The following BBS5 variants were observed in gnomAD, a reference collection of about 807,000 sequenced individuals.
BBS5 encodes BBSome complex member BBS5.
BBS5 carries 39 observed loss-of-function variants against 50.2 expected under a neutral mutation model. The observed-to-expected ratio is 0.78, with a 90% CI of 0.60 to 1.01. The LOEUF (loss-of-function observed/expected upper bound fraction) is 1.01, where lower values mean the gene tolerates loss of function less well. Ranked by LOEUF, BBS5 falls within the 50% of genes least tolerant of loss-of-function variation. The probability of loss-of-function intolerance (pLI) is 0.00; values close to 1 mark genes in which losing one functional copy is unlikely to be tolerated. For synonymous variants in BBS5, 134 were observed against 133.1 expected (o/e 1.01, Z -0.05); for missense variants, 356 against 401.5 (o/e 0.89, Z 0.97).
chr2:169,492,775 G>C, intron 5 of BBS5, 99 bp from the exon 6 acceptor site: 4 of 1,034,410 alleles, frequency 3.9e-6, no homozygotes, highest in Non-Finnish European at 5.7e-6. Context: ...TTTGAGTAAT[G>C]TTCATAAATA....
At chr2:169,492,561 A>G (rs1683618408) in intron 5 of BBS5, among the ~76,000 whole-genome samples, 1 of 151,918 alleles carries the variant, frequency 6.6e-6, no homozygotes, top group Non-Finnish European at 1.5e-5. Flanking sequence ...TCTACAAAAA[A>G]CTGTAATTGC....
intron 5 of BBS5, among the ~76,000 whole-genome samples, chr2:169,488,438 C>T (rs1193968108): frequency 3.3e-5 from 5 of 152,236 alleles, no homozygotes; most frequent in Non-Finnish European, 7.3e-5. Context: ...AGGGCACAGT[C>T]TAGATCCCTT....
In BBS5 at chr2:169,504,769, A is replaced by G. The variant is rs1176043922; in HGVS notation, c.*187A>G. ...CAGTTTTCGGCCAGCGCGTCGAGGGAGGGGCCAGCGACACATGGCCTAGTA... is the reference window on the plus strand; with the variant it reads ...CAGTTTTCGGCCAGCGCGTCGAGGGGGGGGCCAGCGACACATGGCCTAGTA... On this transcript the variant is annotated 3_prime_UTR_variant, in exon 12 of 12. Coordinates refer to ENST00000295240, the MANE Select transcript of BBS5 (RefSeq NM_152384.3). 1.1e-5 allele frequency: 15 copies of G among 1,386,392 alleles called. No individual in the cohort carries two copies. The highest frequency in any genetic ancestry group is 1.3e-5 in the Non-Finnish European group (13 of 1,009,084). 85.9% of individuals were successfully genotyped at this position (1,386,392 alleles called of 1,614,324 possible).
At chr2:169,482,464 T>A in intron 2 of BBS5, 131 bp downstream of exon 2, 1 of 743,488 alleles carries the variant, frequency 1.3e-6, no homozygotes, top group Non-Finnish European at 2.4e-6. Flanking sequence ...TAAATTCACA[T>A]AAGACTTTTC....
Position 169,503,104 on chromosome 2 carries a change from C to T in BBS5, c.826C>T (p.Leu276Phe), listed in dbSNP as rs770319545. 2.5e-6 allele frequency: 4 copies of T among 1,613,402 alleles called. No individual in the cohort carries two copies. Among genetic ancestry groups the T allele is most frequent in the Middle Eastern group, 1.6e-4 (1 of 6,084 alleles). Residue 276 changes from leucine (L) to phenylalanine (F), a missense_variant, in exon 10 of 12, where the codon CTC becomes TTC. By Grantham distance (22) the Leu-to-Phe change is conservative (BLOSUM62 0). Coordinates refer to ENST00000295240, the MANE Select transcript of BBS5 (RefSeq NM_152384.3). ...DYEMEEKPQP[L>F]EALTVEQIQD... ...ATCTGCTGATTTTCAGCCCCAGCCG[C>T]TCGAAGCTCTGACAGTCGAACAAAT...
chr2:169,487,993 C>T lies in BBS5; in HGVS notation c.265C>T (p.Arg89Ter), dbSNP rs772757329. The change falls in exon 5 of 12, where the codon CGA becomes TGA. Residue 89 changes from arginine (R) to a stop codon, truncating the protein, a stop_gained. Transcript: ENST00000295240. LOFTEE classifies it high-confidence loss of function. Reference sequence around the variant, plus strand: ...AATAAATTTGTCCTTACAGAAATTACGAGGCCAAACTGAAGCTCTCTATAT... The same window carrying T: ...AATAAATTTGTCCTTACAGAAATTATGAGGCCAAACTGAAGCTCTCTATAT... ...ITTRTANSKLRGQTEALYILT... is the reference protein window; with the variant it reads ...ITTRTANSKL 16 of 1,613,378 alleles carry T rather than the reference C, an allele frequency of 9.9e-6. No homozygotes were observed. The highest frequency in any genetic ancestry group is 2.2e-5 in the East Asian group (1 of 44,818).
At chr2:169,489,163 T>A (rs1391348991) in intron 5 of BBS5, among the ~76,000 whole-genome samples, 3 of 152,194 alleles carry the variant, frequency 2.0e-5, no homozygotes, top group African/African-American at 7.2e-5. Flanking sequence ...TGCTAATTTT[T>A]AAAATGTTTT....
Position 169,504,873 on chromosome 2 carries a change from G to C in BBS5, c.*291G>C. The C allele has an allele frequency of 1.2e-6, 2 of 1,613,216 alleles. No homozygotes were observed. The highest frequency in any genetic ancestry group is 1.7e-6 in the Non-Finnish European group (2 of 1,179,706). The stretch of plus-strand genomic sequence containing the variant: ...CAGGCCCGGGCGCTCCTACAGCAGT[G>C]CCTGCACGCCCGGCTGCAAATTCGC... On this transcript the variant is annotated 3_prime_UTR_variant, in exon 12 of 12. Coordinates refer to ENST00000295240, the MANE Select transcript of BBS5 (RefSeq NM_152384.3).
Position 169,493,010 on chromosome 2 carries a change from G to C in BBS5, c.522+1G>C. The C allele has an allele frequency of 1.2e-6, 2 of 1,613,386 alleles. No homozygotes were observed. Among genetic ancestry groups the C allele is most frequent in the Non-Finnish European group, 1.7e-6 (2 of 1,179,712 alleles). ...AGTTTGGAATTTATCCAGTGATCAG[G>C]TATTGTGCAAAGAGCTAGTGAACCT... On this transcript the variant is annotated splice_donor_variant, in intron 6 of 11. Coordinates refer to ENST00000295240, the MANE Select transcript of BBS5 (RefSeq NM_152384.3). LOFTEE classifies it high-confidence loss of function.
chr2:169,488,678 C>A (rs1175598675), intron 5 of BBS5, among the ~76,000 whole-genome samples: 1 of 152,220 alleles, frequency 6.6e-6, no homozygotes. Context: ...TACTGTCTTC[C>A]TCCAAGCTCT....
chr2:169,479,507 T>C lies in BBS5; in HGVS notation c.-47T>C. 6.2e-7 allele frequency: 1 copy of C among 1,608,304 alleles called. No homozygotes were observed. The highest frequency in any genetic ancestry group is 8.5e-7 in the Non-Finnish European group (1 of 1,175,112). ...TGCCTTGGAGCCAGAGAGACGCAGC[T>C]AGGCCTGCACGGCTGTGGAGAGATC... On this transcript the variant is annotated 5_prime_UTR_variant, in exon 1 of 12. Transcript: ENST00000295240.
Position 169,492,954 on chromosome 2 carries a change from C to T in BBS5, c.467C>T (p.Pro156Leu), listed in dbSNP as rs1683625865. 1 of 1,613,238 alleles carries T rather than the reference C, an allele frequency of 6.2e-7. No homozygotes were observed. The highest frequency in any genetic ancestry group is 8.5e-7 in the Non-Finnish European group (1 of 1,179,502). ...LIQNKQLRLL[P>L]QEHVYDKING... ...CAGAACAAGCAACTAAGACTGTTGC[C>T]ACAAGAACATGTATATGATAAAATA... Residue 156 changes from proline to leucine, a missense_variant, in exon 6 of 12, where the codon CCA becomes CTA. Physicochemically the swap from Pro to Leu is moderately conservative, Grantham distance 98. Transcript: ENST00000295240.
chr2:169,495,061 G>A (rs1303950747), intron 7 of BBS5, among the ~76,000 whole-genome samples: 1 of 152,148 alleles, frequency 6.6e-6, no homozygotes, highest in Admixed American at 6.6e-5. Context: ...TCTGTGCCAA[G>A]TGCTAGAGAT....
At chr2:169,501,373 C>T (rs1683798306) in intron 9 of BBS5, among the ~76,000 whole-genome samples, 1 of 152,122 alleles carries the variant, frequency 6.6e-6, no homozygotes, top group Non-Finnish European at 1.5e-5. Flanking sequence ...ACCTGACTTT[C>T]AATCCCAGTT....
chr2:169,501,825 A>G (rs553618496), intron 9 of BBS5, among the ~76,000 whole-genome samples: 5 of 152,332 alleles, frequency 3.3e-5, no homozygotes, highest in Admixed American at 3.3e-4. Flanking sequence ...TGCCTGGCAC[A>G]TGGGAGATGC....
At position 169,492,911 on chromosome 2, in the gene BBS5, T is replaced by G; in HGVS notation, c.424T>G (p.Leu142Val). Residue 142 changes from leucine to valine, a missense_variant, in exon 6 of 12, where the codon TTA becomes GTA. Physicochemically the swap from Leu to Val is conservative, Grantham distance 32. Transcript: ENST00000295240. The part of the protein sequence containing the change: ...ETSKMYRDFK[L>V]RSALIQNKQL... Reference sequence around the variant, plus strand: ...TTCTAAAATGTATCGTGATTTTAAATTAAGAAGTGCACTAATTCAGAACAA... The same window carrying G: ...TTCTAAAATGTATCGTGATTTTAAAGTAAGAAGTGCACTAATTCAGAACAA... 2 of 1,612,736 alleles carry G rather than the reference T, an allele frequency of 1.2e-6. No individual in the cohort carries two copies. Among genetic ancestry groups the G allele is most frequent in the Non-Finnish European group, 1.7e-6 (2 of 1,179,064 alleles).
chr2:169,485,756 A>G (rs1226880253), intron 2 of BBS5, among the ~76,000 whole-genome samples: 1 of 152,000 alleles, frequency 6.6e-6, no homozygotes, highest in East Asian at 1.9e-4. Context: ...TTCCTTGTAT[A>G]CTCTGGCTTC....
At chr2:169,486,012 T>C (rs1282467088) in intron 2 of BBS5, among the ~76,000 whole-genome samples, 1 of 152,258 alleles carries the variant, frequency 6.6e-6, no homozygotes, top group African/African-American at 2.4e-5. Context: ...AAGGATGCTA[T>C]ACCTAGTCTT....
intron 5 of BBS5, among the ~76,000 whole-genome samples, chr2:169,492,045 C>G (rs1464371982): frequency 6.6e-6 from 1 of 151,980 alleles, no homozygotes; most frequent in African/African-American, 2.4e-5. Flanking sequence ...GATCTGCCCA[C>G]CTCGGCCTCC....
Sources: gnomAD v4.1 joint callset for allele counts (sites outside exome capture counted in the v4.1 genomes callset) on GRCh38, gnomAD v4.1.1 for gene constraint, MANE v1.5 for transcripts, NCBI Gene and HGNC (gene_info 2026-07-23, HGNC 2026-07-21) for gene names.